The following EIF2B5 variants were observed in gnomAD, a reference collection of about 807,000 sequenced individuals.
The protein encoded by EIF2B5 is translation initiation factor eIF2B subunit epsilon.
A neutral mutation model predicts 87.3 loss-of-function variants in EIF2B5; 38 were observed. The ratio of observed to expected loss-of-function variants is 0.44; its 90% CI spans 0.34 to 0.57. The LOEUF (loss-of-function observed/expected upper bound fraction) is 0.57, where lower values mean the gene tolerates loss of function less well. Ranked by LOEUF, EIF2B5 falls within the 20% of genes least tolerant of loss-of-function variation. EIF2B5 has a pLI of 0.02. For missense variants in EIF2B5, 784 were observed against 909.5 expected, an observed-to-expected ratio of 0.86 and a Z score of 1.78; for synonymous variants, 313 against 339.6, an observed-to-expected ratio of 0.92 and a Z score of 0.86.
chr3:184,142,706 C>T lies in EIF2B5; in HGVS notation c.1547-73C>T. 1 of 1,548,298 alleles carries T rather than the reference C, an allele frequency of 6.5e-7. No homozygotes were observed. The highest frequency in any genetic ancestry group is 1.2e-5 in the South Asian group (1 of 86,574). ...TTACTTATTCACTCCTTTATTCAGGCAGACAGGGCAGGTATATTGCTCTCT... is the reference window on the plus strand; with the variant it reads ...TTACTTATTCACTCCTTTATTCAGGTAGACAGGGCAGGTATATTGCTCTCT... On this transcript the variant is annotated intron_variant, in intron 10 of 15. Coordinates refer to ENST00000648915, the MANE Select transcript of EIF2B5 (RefSeq NM_003907.3). The surrounding 1 kb of genome is among the most constrained non-coding windows in gnomAD (Gnocchi z 5.0).
In EIF2B5 at chr3:184,140,841, G is replaced by T. The variant is rs977112794; in HGVS notation, c.1156+111G>T. The T allele has an allele frequency of 9.3e-6, 12 of 1,283,562 alleles. No homozygotes were observed. The African/African-American group carries it at 1.6e-4, about 17-fold the overall frequency. 79.5% of individuals were successfully genotyped at this position (1,283,562 alleles called of 1,614,324 possible). ...CACAAGGGACAGTCCCTGGGAATAA[G>T]GAACTATAGAGCGGCTACCTCAGGA... On this transcript the variant is annotated intron_variant, in intron 7 of 15. Transcript: ENST00000648915.
intron 5 of EIF2B5, among the ~76,000 whole-genome samples, chr3:184,138,625 G>A (rs1157226174): frequency 1.3e-5 from 2 of 151,064 alleles, no homozygotes; most frequent in African/African-American, 4.9e-5. Context: ...AAAGTGCTGG[G>A]ATTACAGGCA....
At chr3:184,138,334 C>A in intron 5 of EIF2B5, 88 bp downstream of exon 5, 2 of 1,166,208 alleles carry the variant, frequency 1.7e-6, no homozygotes, top group Non-Finnish European at 1.3e-6. Flanking sequence ...GGGTATATTT[C>A]TTCTCCCTGT....
chr3:184,136,062 T>C, intron 1 of EIF2B5: 1 of 223,104 alleles, frequency 4.5e-6, no homozygotes, highest in Non-Finnish European at 9.1e-6. Flanking sequence ...ATGGGTTTAG[T>C]GGTTGATTGC....
At chr3:184,140,354 T>C (rs1713571268) in intron 6 of EIF2B5, 64 bp from the exon 7 acceptor site, 1 of 1,570,678 alleles carries the variant, frequency 6.4e-7, no homozygotes, top group South Asian at 1.1e-5. Flanking sequence ...ATTAGAAAAG[T>C]TGTACTTGGG....
At chr3:184,143,347 C>T (rs1256137400) in intron 12 of EIF2B5, 95 bp from the exon 13 acceptor site, 18 of 1,601,672 alleles carry the variant, frequency 1.1e-5, no homozygotes, top group Non-Finnish European at 1.4e-5. Flanking sequence ...CCATATTGTT[C>T]CATCCAGATT....
In EIF2B5 at chr3:184,142,278, G is replaced by T. The variant is rs762175928; in HGVS notation, c.1344G>T (p.Val448=). ...ATATCACGCTGCCTGAGGGCTCGGTGATCTCTTTGCACCCTCCAGATGCAG... is the reference window on the plus strand; with the variant it reads ...ATATCACGCTGCCTGAGGGCTCGGTTATCTCTTTGCACCCTCCAGATGCAG... The part of the protein sequence containing the change: ...GPNITLPEGS[V]ISLHPPDAEE... The change falls in exon 9 of 16, where the codon GTG becomes GTT. Residue 448 remains valine (V), a synonymous_variant. Coordinates refer to ENST00000648915, the MANE Select transcript of EIF2B5 (RefSeq NM_003907.3). This position sits in a 1 kb window ranked among gnomAD's most constrained non-coding sequence, Gnocchi z 5.0. 2 of 1,614,124 alleles carry T rather than the reference G, an allele frequency of 1.2e-6. No individual in the cohort carries two copies. The highest frequency in any genetic ancestry group is 3.3e-5 in the Admixed American group (2 of 59,998).
In EIF2B5 at chr3:184,142,023, G is replaced by A; in HGVS notation, c.1255G>A (p.Val419Ile). Residue 419 changes from valine to isoleucine, a missense_variant, in exon 8 of 16, where the codon GTC (valine) becomes ATC (isoleucine). This residue lies in a region of EIF2B5 where 660 missense variants were observed against 789.5 expected (regional missense o/e 0.84). Coordinates refer to ENST00000648915, the MANE Select transcript of EIF2B5 (RefSeq NM_003907.3). The surrounding 1 kb of genome is among the most constrained non-coding windows in gnomAD (Gnocchi z 5.0). ...GTCTCTGCTTTGTGACAATGCTGAG[G>A]TCAAGGAACGAGTGACACTGAAACC... ...HQSLLCDNAEVKERVTLKPRS... is the reference protein window; with the variant it reads ...HQSLLCDNAEIKERVTLKPRS... 1.2e-6 allele frequency: 2 copies of A among 1,614,170 alleles called. No homozygotes were observed. Among genetic ancestry groups the A allele is most frequent in the Non-Finnish European group, 1.7e-6 (2 of 1,180,032 alleles).
chr3:184,135,614 G>A (rs1181347801), intron 1 of EIF2B5, 34 bp downstream of exon 1: 1 of 1,565,322 alleles, frequency 6.4e-7, no homozygotes, highest in Non-Finnish European at 8.6e-7. Context: ...CCAGAGGGCA[G>A]GAAGGGTGGC....
At chr3:184,140,847 A>G in intron 7 of EIF2B5, 117 bp downstream of exon 7, 2 of 1,210,602 alleles carry the variant, frequency 1.7e-6, no homozygotes, top group South Asian at 2.6e-5. Flanking sequence ...ATAAGGAACT[A>G]TAGAGCGGCT....
chr3:184,144,171 G>A lies in EIF2B5; in HGVS notation c.1942G>A (p.Ala648Thr), dbSNP rs2109011906. 6.2e-7 allele frequency: 1 copy of A among 1,614,256 alleles called. No individual in the cohort carries two copies. Among genetic ancestry groups the A allele is most frequent in the Non-Finnish European group, 8.5e-7 (1 of 1,180,060 alleles). ...AGCCGACCATTTGGAAGCGTTAGCA[G>A]CCATTGAGGACTTCTTCCTAGAGCA... ...RAADHLEALAAIEDFFLEHEA... is the reference protein window; with the variant it reads ...RAADHLEALATIEDFFLEHEA... The change falls in exon 14 of 16, where the codon GCC becomes ACC. Residue 648 changes from alanine (A) to threonine (T), a missense_variant. Transcript: ENST00000648915.
intron 5 of EIF2B5, among the ~76,000 whole-genome samples, chr3:184,139,583 T>G (rs1428614242): frequency 6.6e-6 from 1 of 150,962 alleles, no homozygotes; most frequent in Non-Finnish European, 1.5e-5. Context: ...ACCTGGCCTT[T>G]TTTTTTTTTT....
rs1713799892 is a variant in EIF2B5 at position 184,144,890 on chromosome 3, A to T, written c.2113A>T (p.Arg705Trp). The T allele has an allele frequency of 6.2e-7, 1 of 1,613,642 alleles. No individual in the cohort carries two copies. The highest frequency in any genetic ancestry group is 8.5e-7 in the Non-Finnish European group (1 of 1,179,972). The change falls in exon 16 of 16, where the codon AGG becomes TGG. Residue 705 changes from arginine to tryptophan, a missense_variant. This residue lies in a region of EIF2B5 where 660 missense variants were observed against 789.5 expected (regional missense o/e 0.84). Coordinates refer to ENST00000648915, the MANE Select transcript of EIF2B5 (RefSeq NM_003907.3). ...QQLRKNQQLQ[R>W]FIQWLKEAEE... The stretch of plus-strand genomic sequence containing the variant: ...CTCCTCTGCTTCTTTACAGCTGCAG[A>T]GGTTCATCCAGTGGCTAAAAGAGGC...
At position 184,140,143 on chromosome 3, in the gene EIF2B5, T is replaced by C. The variant is rs767940709; in HGVS notation, c.829T>C (p.Leu277=). 1.2e-6 allele frequency: 2 copies of C among 1,613,956 alleles called. No individual in the cohort carries two copies. The highest frequency in any genetic ancestry group is 1.7e-6 in the Non-Finnish European group (2 of 1,179,844). The change falls in exon 6 of 16, where the codon TTA becomes CTA. Residue 277 remains leucine (L), a synonymous_variant. Coordinates refer to ENST00000648915, the MANE Select transcript of EIF2B5 (RefSeq NM_003907.3). ...QTRDDFVRGL[L]VNEEILGNQI... ...TCGAGATGACTTTGTGCGAGGTCTC[T>C]TAGTGAATGAGGAGGTGAGAAAAGT...
At position 184,135,538 on chromosome 3, in the gene EIF2B5, C is replaced by T. The variant is rs560828276; in HGVS notation, c.153C>T (p.Ser51=). The part of the protein sequence containing the change: ...PPLQAVLVAD[S]FDRRFFPISK... ...TACAAGCAGTTCTGGTGGCCGATAGCTTCGATCGCCGCTTCTTCCCCATCT... is the reference window on the plus strand; with the variant it reads ...TACAAGCAGTTCTGGTGGCCGATAGTTTCGATCGCCGCTTCTTCCCCATCT... The change falls in exon 1 of 16, where the codon AGC becomes AGT. Residue 51 remains serine (S), a synonymous_variant. Coordinates refer to ENST00000648915, the MANE Select transcript of EIF2B5 (RefSeq NM_003907.3). 13 of 1,590,950 alleles carry T rather than the reference C, an allele frequency of 8.2e-6. No homozygotes were observed. In the African/African-American group the frequency reaches 1.6e-4, roughly 20 times the overall value.
intron 2 of EIF2B5, 57 bp downstream of exon 2, chr3:184,136,793 G>A: frequency 6.2e-7 from 1 of 1,612,544 alleles, no homozygotes; most frequent in East Asian, 2.2e-5. Flanking sequence ...GTTTTTTCAG[G>A]ATGAATGTAA....
chr3:184,137,838 A>G (rs1249342234), intron 3 of EIF2B5, 33 bp downstream of exon 3: 1 of 1,614,112 alleles, frequency 6.2e-7, no homozygotes, highest in African/African-American at 1.3e-5. Flanking sequence ...AACAAGGGTT[A>G]AAGACCAGCA....
intron 1 of EIF2B5, 54 bp downstream of exon 1, chr3:184,135,634 G>C: frequency 6.4e-7 from 1 of 1,551,594 alleles, no homozygotes; most frequent in East Asian, 2.4e-5. Context: ...CAGGGCTGGA[G>C]CAAGTTCTCA....
chr3:184,136,581 C>T, intron 1 of EIF2B5, 31 bp from the exon 2 acceptor site: 1 of 1,613,686 alleles, frequency 6.2e-7, no homozygotes, highest in Non-Finnish European at 8.5e-7. Flanking sequence ...GATTCGAGAC[C>T]TCAAGTTTTT....
Sources: gnomAD v4.1 joint callset for allele counts (sites outside exome capture counted in the v4.1 genomes callset) on GRCh38, gnomAD v4.1.1 for gene constraint, gnomAD v4.1.1 regional missense constraint, Gnocchi (gnomAD v3.1) non-coding constraint, MANE v1.5 for transcripts, NCBI Gene and HGNC (gene_info 2026-07-23, HGNC 2026-07-21) for gene names.